AGBL3: variants seen among roughly 807,000 people sequenced by gnomAD.
AGBL3 encodes the protein cytosolic carboxypeptidase 3.
AGBL3 carries 68 observed loss-of-function variants against 94.5 expected under a neutral mutation model. The ratio of observed to expected loss-of-function variants is 0.72; its 90% CI spans 0.59 to 0.88. AGBL3 has a LOEUF of 0.88. AGBL3 is among the 40% of genes least tolerant of loss of function. The pLI is 0.00. For synonymous variants in AGBL3, 354 were observed against 370.7 expected, an observed-to-expected ratio of 0.95 and a Z score of 0.52; for missense variants, 934 against 1,103.8, an observed-to-expected ratio of 0.85 and a Z score of 2.18.
At chr7:135,084,651 A>G (rs1275427310) in intron 15 of AGBL3, among the ~76,000 whole-genome samples, 2 of 152,148 alleles carry the variant, frequency 1.3e-5, no homozygotes, top group African/African-American at 2.4e-5. Flanking sequence ...AAGCTCATCA[A>G]TGTTGCCACA....
At chr7:135,096,758 A>AGAAAGAAG (rs1822919496) in intron 15 of AGBL3, among the ~76,000 whole-genome samples, 1 of 147,688 alleles carries the variant, frequency 6.8e-6, no homozygotes, top group Non-Finnish European at 1.5e-5. Flanking sequence ...AAAGAAAGAA[A>AGAAAGAAG]GAAAGAAAGA....
At chr7:135,130,092 T>A (rs1430837217) in intron 16 of AGBL3, among the ~76,000 whole-genome samples, 1 of 152,218 alleles carries the variant, frequency 6.6e-6, no homozygotes, top group Non-Finnish European at 1.5e-5. Context: ...GTTCCCTCAG[T>A]ACTACTCCTT....
At chr7:135,117,423 G>T (rs1312894834) in intron 16 of AGBL3, among the ~76,000 whole-genome samples, 1 of 152,136 alleles carries the variant, frequency 6.6e-6, no homozygotes, top group Non-Finnish European at 1.5e-5. Context: ...TGATAATTCT[G>T]CAAACTCTTA....
At chr7:135,093,530 T>C (rs978140691) in intron 15 of AGBL3, 3 of 151,948 alleles carry the variant, frequency 2.0e-5, no homozygotes, top group Admixed American at 2.0e-4. Flanking sequence ...AAGAACAAAA[T>C]ACTTAGGAAT....
chr7:135,046,943 A>G (rs1260656246), intron 11 of AGBL3, among the ~76,000 whole-genome samples: 2 of 151,438 alleles, frequency 1.3e-5, no homozygotes, highest in African/African-American at 4.8e-5. Context: ...TTATTGTGGT[A>G]AGAACACAGT....
At chr7:135,028,462 C>T (rs1214082456) in intron 5 of AGBL3, among the ~76,000 whole-genome samples, 1 of 152,182 alleles carries the variant, frequency 6.6e-6, no homozygotes, top group Non-Finnish European at 1.5e-5. Context: ...ACTTTCTTTG[C>T]TCATCCTTAA....
intron 15 of AGBL3, among the ~76,000 whole-genome samples, chr7:135,113,055 G>A (rs1480180962): frequency 6.6e-6 from 1 of 152,164 alleles, no homozygotes; most frequent in African/African-American, 2.4e-5. Context: ...GAGATTACAA[G>A]CATGAGCTAC....
At chr7:135,129,181 A>C in intron 16 of AGBL3, 1 of 1,428,432 alleles carries the variant, frequency 7.0e-7, no homozygotes, top group East Asian at 2.3e-5. Context: ...CTGATGGCAG[A>C]TGTGGTGTAC....
chr7:134,993,865 T>G (rs1292963524), intron 4 of AGBL3, among the ~76,000 whole-genome samples, 187 bp downstream of exon 4: 1 of 152,226 alleles, frequency 6.6e-6, no homozygotes, highest in Non-Finnish European at 1.5e-5. Context: ...AAAATGAAAT[T>G]AACTTTAAAA....
At chr7:135,103,382 C>T (rs1470513916) in intron 15 of AGBL3, among the ~76,000 whole-genome samples, 2 of 152,176 alleles carry the variant, frequency 1.3e-5, no homozygotes, top group Admixed American at 6.6e-5. Flanking sequence ...AAAATATACT[C>T]TCACAACTAT....
chr7:135,079,289 A>G (rs1820722757), intron 13 of AGBL3, among the ~76,000 whole-genome samples: 2 of 152,058 alleles, frequency 1.3e-5, no homozygotes, highest in South Asian at 4.1e-4. Context: ...AAATTTGTGT[A>G]ATTTTTTCTA....
intron 8 of AGBL3, among the ~76,000 whole-genome samples, chr7:135,042,743 C>A (rs917978407): frequency 5.3e-5 from 8 of 152,034 alleles, no homozygotes; most frequent in African/African-American, 1.9e-4. Flanking sequence ...GACCCCATTT[C>A]TGTGAAAAAA....
chr7:135,063,824 A>G (rs1819047183), intron 12 of AGBL3, among the ~76,000 whole-genome samples: 1 of 152,164 alleles, frequency 6.6e-6, no homozygotes, highest in Non-Finnish European at 1.5e-5. Context: ...AATGCATAAC[A>G]CCCTCAGACT....
Position 135,034,911 on chromosome 7 carries a change from C to T in AGBL3, c.1320C>T (p.Thr440=), listed in dbSNP as rs759305193. ...LKESFPSVWY[T]RNMVHRLMEK... ...AATCTTTTCCTTCTGTATGGTATACCCGGAACATGGTTCATAGGTAAAATA... is the reference window on the plus strand; with the variant it reads ...AATCTTTTCCTTCTGTATGGTATACTCGGAACATGGTTCATAGGTAAAATA... The change falls in exon 7 of 17, where the codon ACC becomes ACT. Residue 440 remains threonine, a synonymous_variant. Transcript: ENST00000436302. 1.6e-5 allele frequency: 25 copies of T among 1,521,266 alleles called. No homozygotes were observed. The African/African-American group carries it at 2.8e-4, about 17-fold the overall frequency. 94.2% of individuals were successfully genotyped at this position (1,521,266 alleles called of 1,614,324 possible).
chr7:135,040,073 A>C (rs2116510316), intron 8 of AGBL3, among the ~76,000 whole-genome samples: 1 of 152,332 alleles, frequency 6.6e-6, no homozygotes, highest in East Asian at 1.9e-4. Context: ...CAATAAGGGG[A>C]AATTCAATTC....
At chr7:135,111,926 G>A (rs1019481365) in intron 15 of AGBL3, among the ~76,000 whole-genome samples, 11 of 151,838 alleles carry the variant, frequency 7.2e-5, no homozygotes, top group South Asian at 6.3e-4. Context: ...ACTGGATATC[G>A]CCATCTGTTT....
intron 14 of AGBL3, 49 bp downstream of exon 14, chr7:135,080,309 A>G (rs1317596070): frequency 1.3e-6 from 2 of 1,492,624 alleles, no homozygotes; most frequent in Admixed American, 2.0e-5. Context: ...CATTTACTCA[A>G]CTAAGAATTT....
intron 4 of AGBL3, chr7:135,011,585 A>G (rs1813166597): frequency 1.3e-5 from 2 of 152,184 alleles, no homozygotes; most frequent in South Asian, 4.1e-4. Flanking sequence ...ACCCAGTAGG[A>G]AAATGGGCAA....
At chr7:135,094,463 T>C (rs930527860) in intron 15 of AGBL3, 5 of 456,172 alleles carry the variant, frequency 1.1e-5, no homozygotes, top group African/African-American at 2.0e-5. Context: ...GAGTGCGCAC[T>C]AGCTTGAAAG....
Sources: gnomAD v4.1 joint callset for allele counts (sites outside exome capture counted in the v4.1 genomes callset) on GRCh38, gnomAD v4.1.1 for gene constraint, MANE v1.5 for transcripts, NCBI Gene and HGNC (gene_info 2026-07-23, HGNC 2026-07-21) for gene names.